The following LRRC61 variants were observed in gnomAD, a reference collection of about 807,000 sequenced individuals.
LRRC61 encodes the protein leucine rich repeat containing 61, also known as leucine-rich repeat-containing protein 61.
LRRC61 carries 9 observed loss-of-function variants against 15.1 expected under a neutral mutation model. That is an observed-to-expected ratio of 0.60 (90% CI 0.36 to 1.04). The LOEUF (loss-of-function observed/expected upper bound fraction) is 1.04, where lower values mean the gene tolerates loss of function less well. LRRC61 is among the 50% of genes least tolerant of loss of function. LRRC61 has a pLI of 0.01. For synonymous variants in LRRC61, 173 were observed against 158.6 expected, an observed-to-expected ratio of 1.09 and a Z score of -0.68; for missense variants, 344 against 335.6, an observed-to-expected ratio of 1.03 and a Z score of -0.20.
intron 2 of LRRC61, 105 bp from the exon 3 acceptor site, chr7:150,336,613 C>T (rs947167527): frequency 1.7e-6 from 1 of 572,230 alleles, no homozygotes; most frequent in Admixed American, 3.2e-5. Flanking sequence ...TCTTGCCTGG[C>T]TGAGATTGTT....
Position 150,330,441 on chromosome 7 carries a change from CTG to C in LRRC61, c.-145+4432_-145+4433del, listed in dbSNP as rs1563225590. On this transcript the variant is annotated intron_variant, in intron 2 of 2. Coordinates refer to ENST00000359623, the MANE Select transcript of LRRC61 (RefSeq NM_001142928.2). The surrounding 1 kb of genome is among the most constrained non-coding windows in gnomAD (Gnocchi z 4.6). Reference sequence around the variant, plus strand: ...CGAGGCGAGTGCGGCACAGGCCTCTCTGAGCCAGGTGCTGCCCCAGCTGCGCT... The same window carrying C: ...CGAGGCGAGTGCGGCACAGGCCTCTCAGCCAGGTGCTGCCCCAGCTGCGCT... 1.3e-6 allele frequency: 1 copy of C among 776,300 alleles called. No homozygotes were observed. The highest frequency in any genetic ancestry group is 2.4e-5 in the East Asian group (1 of 41,244). The allele number at this position is 776,300 out of a possible 1,614,324, so 48.1% of individuals were successfully genotyped here. A position where few individuals can be genotyped will look rare whatever the true frequency, so the allele number is the denominator to read the frequency against.
chr7:150,322,399 C>T (rs1797619464), upstream of LRRC61, among the ~76,000 whole-genome samples: 1 of 152,326 alleles, frequency 6.6e-6, no homozygotes, highest in African/African-American at 2.4e-5. Flanking sequence ...GCCACCAAAA[C>T]CAATATGGCA....
chr7:150,321,722 A>C (rs577460315), upstream of LRRC61, among the ~76,000 whole-genome samples: 1 of 152,346 alleles, frequency 6.6e-6, no homozygotes, highest in South Asian at 2.1e-4. Flanking sequence ...CCTGGGCAAG[A>C]GAGTGAGACT....
chr7:150,318,307 GA>G (rs1012274168), upstream of LRRC61, among the ~76,000 whole-genome samples: 1 of 152,160 alleles, frequency 6.6e-6, no homozygotes, highest in African/African-American at 2.4e-5. Context: ...CAAAGACATG[GA>G]ACAGAGTCTT....
chr7:150,320,352 G>C (rs1396397294), upstream of LRRC61, among the ~76,000 whole-genome samples: 4 of 152,232 alleles, frequency 2.6e-5, no homozygotes, highest in Admixed American at 2.6e-4. Flanking sequence ...TATTACAAAG[G>C]CTTGTGATCG....
the LRRC61 span, among the ~76,000 whole-genome samples, chr7:150,316,479 GGTTA>G: frequency 9.1e-5 from 12 of 131,892 alleles, no homozygotes; most frequent in East Asian, 9.1e-4. Context: ...TTTAGAATCT[GGTTA>G]TTTTTTTTTT....
the LRRC61 span, among the ~76,000 whole-genome samples, chr7:150,310,816 C>A: frequency 2.6e-5 from 4 of 152,198 alleles, no homozygotes; most frequent in South Asian, 2.1e-4. Context: ...TGAACTTCTT[C>A]TTTGCAGCCC....
chr7:150,311,873 C>CA, the LRRC61 span, among the ~76,000 whole-genome samples: 1 of 152,208 alleles, frequency 6.6e-6, no homozygotes, highest in Non-Finnish European at 1.5e-5. Context: ...AAGGAATGCA[C>CA]ATTAACATTT....
At position 150,330,552 on chromosome 7, in the gene LRRC61, G is replaced by A. The variant is rs749154624; in HGVS notation, c.-145+4542G>A. 1.3e-5 allele frequency: 10 copies of A among 778,264 alleles called. No homozygotes were observed. The highest frequency in any genetic ancestry group is 2.4e-5 in the Non-Finnish European group (10 of 416,932). 48.2% of individuals were successfully genotyped at this position (778,264 alleles called of 1,614,324 possible). On this transcript the variant is annotated intron_variant, in intron 2 of 2. Transcript: ENST00000359623. The surrounding 1 kb of genome is among the most constrained non-coding windows in gnomAD (Gnocchi z 4.6). ...GAGGGGCGCAGCCATCCAGCTGGCT[G>A]AGGGGTTGGCCCGGCAGCTCTGCAC...
At chr7:150,315,563 C>T in the LRRC61 span, among the ~76,000 whole-genome samples, 15 of 152,164 alleles carry the variant, frequency 9.9e-5, no homozygotes, top group Non-Finnish European at 2.2e-4. Context: ...TAGCATTCAA[C>T]ATATTTTATT....
chr7:150,334,298 G>C (rs1043463343), intron 2 of LRRC61, among the ~76,000 whole-genome samples: 1 of 152,148 alleles, frequency 6.6e-6, no homozygotes, highest in Non-Finnish European at 1.5e-5. Context: ...GTCCAGTGGG[G>C]CGTCCTAGTA....
In LRRC61 at chr7:150,337,692, T is replaced by G. The variant is rs1427202052; in HGVS notation, c.*51T>G. ...TGGCAGGTGGCCTCGCTGCCCCCAG[T>G]TCCCCTCTCTGCCCCCACACTCGTC... On this transcript the variant is annotated 3_prime_UTR_variant, in exon 3 of 3. Transcript: ENST00000359623. The G allele has an allele frequency of 6.7e-7, 1 of 1,496,132 alleles. No homozygotes were observed. The highest frequency in any genetic ancestry group is 2.3e-5 in the Admixed American group (1 of 42,694). The allele number at this position is 1,496,132 out of a possible 1,614,324, so 92.7% of individuals were successfully genotyped here.
chr7:150,313,918 T>C, the LRRC61 span, among the ~76,000 whole-genome samples: 2 of 152,166 alleles, frequency 1.3e-5, no homozygotes, highest in African/African-American at 4.8e-5. Context: ...GCAAGGGACT[T>C]GGGGACTGTG....
chr7:150,334,423 C>G (rs954404662), intron 2 of LRRC61, among the ~76,000 whole-genome samples: 1 of 125,184 alleles, frequency 8.0e-6, no homozygotes, highest in South Asian at 2.5e-4. Flanking sequence ...CTCTGCTGCT[C>G]GTGCATAGGA....
At chr7:150,317,645 C>T in the LRRC61 span, among the ~76,000 whole-genome samples, 1 of 152,032 alleles carries the variant, frequency 6.6e-6, no homozygotes, top group Admixed American at 6.6e-5. Flanking sequence ...TTATCTTATT[C>T]TTGAATTCAA....
rs1483227636 is a variant in LRRC61, at chr7:150,335,284, T to C, written c.-144-1434T>C. Among the ~76,000 whole-genome samples, 1 of 152,256 alleles carries C rather than the reference T, an allele frequency of 6.6e-6. No homozygotes were observed. Among genetic ancestry groups the C allele is most frequent in the East Asian group, 1.9e-4 (1 of 5,204 alleles). ...CTCCCTGTTTACAAACCCCAAAAGA[T>C]TCCATTCCCACTGAGGGAATCCACA... is the stretch of plus-strand genomic sequence containing the variant. On this transcript the variant is annotated intron_variant, in intron 2 of 2. Coordinates refer to ENST00000359623, the MANE Select transcript of LRRC61 (RefSeq NM_001142928.2). This position sits in a 1 kb window ranked among gnomAD's most constrained non-coding sequence, Gnocchi z 4.3.
chr7:150,327,657 A>G (rs1372630273), intron 2 of LRRC61, among the ~76,000 whole-genome samples: 1 of 151,500 alleles, frequency 6.6e-6, no homozygotes, highest in Non-Finnish European at 1.5e-5. Context: ...TGTCTCTACA[A>G]AAAAATTAAA....
chr7:150,309,517 G>A, the LRRC61 span, among the ~76,000 whole-genome samples: 2 of 152,154 alleles, frequency 1.3e-5, no homozygotes, highest in African/African-American at 2.4e-5. Flanking sequence ...AACTGCTTGC[G>A]CCTGCTGTAA....
chr7:150,328,964 G>A (rs1798025841), intron 2 of LRRC61, among the ~76,000 whole-genome samples: 3 of 152,168 alleles, frequency 2.0e-5, no homozygotes, highest in East Asian at 3.8e-4. Context: ...TCACCTAACC[G>A]TGGTGTCCCT....
Sources: gnomAD v4.1 joint callset for allele counts (sites outside exome capture counted in the v4.1 genomes callset) on GRCh38, gnomAD v4.1.1 for gene constraint, Gnocchi (gnomAD v3.1) non-coding constraint, MANE v1.5 for transcripts, NCBI Gene and HGNC (gene_info 2026-07-23, HGNC 2026-07-21) for gene names.